DLG2: variants seen among roughly 807,000 people sequenced by gnomAD.
DLG2 encodes discs large MAGUK scaffold protein 2, also known as disks large homolog 2.
Under a neutral mutation model 132.5 loss-of-function variants are expected in DLG2, and 45 were observed. The ratio of observed to expected loss-of-function variants is 0.34; its 90% CI spans 0.27 to 0.44. DLG2 has a LOEUF of 0.44. Among genes scored for constraint, DLG2 ranks in the 20% least tolerant of loss-of-function variants. The pLI is 1.00. For missense variants in DLG2, 1,045 were observed against 1,196.9 expected, an observed-to-expected ratio of 0.87 and a Z score of 1.87; for synonymous variants, 424 against 419.6, an observed-to-expected ratio of 1.01 and a Z score of -0.13.
At chr11:84,771,547 C>T (rs1008909408) in intron 6 of DLG2, among the ~76,000 whole-genome samples, 9 of 152,068 alleles carry the variant, frequency 5.9e-5, no homozygotes, top group Non-Finnish European at 1.5e-5. Context: ...AATATTTTTT[C>T]CCATTCTGTA....
chr11:84,777,865 A>G (rs896230931), intron 6 of DLG2, among the ~76,000 whole-genome samples: 1 of 152,052 alleles, frequency 6.6e-6, no homozygotes, highest in African/African-American at 2.4e-5. Context: ...TCCCTGTTGG[A>G]TGAATAGTTT....
chr11:84,063,265 C>A (rs1157486455), intron 10 of DLG2, among the ~76,000 whole-genome samples: 1 of 152,178 alleles, frequency 6.6e-6, no homozygotes, highest in African/African-American at 2.4e-5. Flanking sequence ...CCAGAATTGT[C>A]TGTAATATCC....
At chr11:83,673,428 T>C (rs552306787) in intron 18 of DLG2, among the ~76,000 whole-genome samples, 3 of 152,356 alleles carry the variant, frequency 2.0e-5, no homozygotes, top group Non-Finnish European at 4.4e-5. Flanking sequence ...CAAATTATAA[T>C]GAGTTTAGCT....
chr11:85,272,184 G>C (rs1168006101), intron 4 of DLG2, among the ~76,000 whole-genome samples: 2 of 152,074 alleles, frequency 1.3e-5, no homozygotes, highest in Non-Finnish European at 2.9e-5. Flanking sequence ...TTATAAAGGG[G>C]AGTTTCCCTG....
Position 84,723,541 on chromosome 11 carries a change from G to A in DLG2, c.358-188810C>T, listed in dbSNP as rs1042063805. ...AACTCTGGGGTAAATTGGAGGGGAA[G>A]ATGAGGGGGAAAGTGGTTTCCATGA... On this transcript the variant is annotated intron_variant, in intron 6 of 27. Transcript: ENST00000376104. Among the ~76,000 whole-genome samples the A allele has an allele frequency of 5.3e-5, 8 of 152,090 alleles. No individual in the cohort carries two copies. In the East Asian group the frequency reaches 1.3e-3, roughly 26 times the overall value.
chr11:84,456,496 A>G (rs2099065660), intron 7 of DLG2, among the ~76,000 whole-genome samples: 1 of 151,368 alleles, frequency 6.6e-6, no homozygotes, highest in Admixed American at 6.6e-5. Flanking sequence ...AACTAACTTT[A>G]TCCTTTTGCT....
intron 7 of DLG2, among the ~76,000 whole-genome samples, chr11:84,379,717 G>A (rs1208681744): frequency 6.6e-6 from 1 of 151,788 alleles, no homozygotes; most frequent in East Asian, 1.9e-4. Flanking sequence ...ATTATTGAAA[G>A]TATCTTGCCA....
At chr11:85,309,472 C>T (rs1033334640) in intron 3 of DLG2, among the ~76,000 whole-genome samples, 1 of 150,852 alleles carries the variant, frequency 6.6e-6, no homozygotes. Flanking sequence ...AAAAGTCATT[C>T]TCCAGTAAAA....
intron 8 of DLG2, among the ~76,000 whole-genome samples, chr11:84,183,931 T>C (rs180865600): frequency 0.065 from 9,838 of 152,138 alleles, 394 homozygotes; most frequent in African/African-American, 0.1. Flanking sequence ...CTGCATAGTA[T>C]TCCATGGTGT....
chr11:83,810,471 G>A (rs937167368), intron 17 of DLG2, among the ~76,000 whole-genome samples: 2 of 152,036 alleles, frequency 1.3e-5, no homozygotes, highest in African/African-American at 4.8e-5. Flanking sequence ...GAAAAATCCA[G>A]GGATAGGTAT....
intron 3 of DLG2, among the ~76,000 whole-genome samples, chr11:85,529,987 G>GTTTTTT (rs59507021): frequency 2.7e-4 from 30 of 113,112 alleles, no homozygotes; most frequent in Non-Finnish European, 3.1e-4. Context: ...GAGAGGGTTT[G>GTTTTTT]TTTTTTTTTT....
At chr11:85,197,347 G>A (rs1565144327) in intron 4 of DLG2, among the ~76,000 whole-genome samples, 2 of 151,950 alleles carry the variant, frequency 1.3e-5, no homozygotes, top group African/African-American at 2.4e-5. Context: ...CACTTTTAAA[G>A]AACAATGCAC....
chr11:83,464,981 A>G (rs2090749643), intron 26 of DLG2, among the ~76,000 whole-genome samples: 1 of 152,182 alleles, frequency 6.6e-6, no homozygotes, highest in Non-Finnish European at 1.5e-5. Flanking sequence ...TACTTGCTTA[A>G]TTCACTTTGT....
chr11:83,600,229 G>C (rs2058302803), intron 19 of DLG2, among the ~76,000 whole-genome samples: 1 of 138,232 alleles, frequency 7.2e-6, no homozygotes, highest in African/African-American at 2.8e-5. Flanking sequence ...CACACAGCTA[G>C]CTATAGGGTG....
chr11:85,186,747 G>T (rs1006443746), intron 4 of DLG2, among the ~76,000 whole-genome samples: 1 of 152,052 alleles, frequency 6.6e-6, no homozygotes, highest in African/African-American at 2.4e-5. Context: ...ATCCATAGCG[G>T]TGTATCATTA....
intron 18 of DLG2, among the ~76,000 whole-genome samples, chr11:83,686,146 C>T (rs1230998391): frequency 6.6e-6 from 1 of 152,066 alleles, no homozygotes. Flanking sequence ...AGCAGCCAGC[C>T]ATGTTTTTAA....
chr11:84,060,707 A>C (rs2096578050), intron 10 of DLG2, among the ~76,000 whole-genome samples: 1 of 152,158 alleles, frequency 6.6e-6, no homozygotes, highest in African/African-American at 2.4e-5. Context: ...TGAGATTACA[A>C]AAATTTCTTT....
intron 18 of DLG2, among the ~76,000 whole-genome samples, chr11:83,707,284 A>G (rs929192154): frequency 2.6e-5 from 4 of 152,324 alleles, no homozygotes; most frequent in East Asian, 3.9e-4. Context: ...TCCTGTTTCT[A>G]TATCTGTCTC....
chr11:84,307,977 G>A (rs1226033298), intron 7 of DLG2, among the ~76,000 whole-genome samples: 1 of 152,160 alleles, frequency 6.6e-6, no homozygotes, highest in East Asian at 1.9e-4. Flanking sequence ...TGCGGTGAGT[G>A]TTACAGCTCA....
Sources: allele counts gnomAD v4.1 joint callset (sites outside exome capture counted in the v4.1 genomes callset), GRCh38; gene constraint gnomAD v4.1.1; transcripts MANE v1.5; gene names NCBI Gene and HGNC (gene_info 2026-07-23, HGNC 2026-07-21).